NGLY1: variants seen among roughly 807,000 people sequenced by gnomAD.
The protein encoded by NGLY1 is peptide-N(4)-(N-acetyl-beta-glucosaminyl)asparagine amidase.
In NGLY1, 68 loss-of-function variants were observed where a neutral mutation model predicts 84.6. The ratio of observed to expected loss-of-function variants is 0.80; its 90% CI spans 0.66 to 0.98. NGLY1 has a LOEUF of 0.98. Among genes scored for constraint, NGLY1 ranks in the 50% least tolerant of loss-of-function variants. The pLI, the probability that NGLY1 is intolerant of heterozygous loss-of-function variation, is 0.00. For synonymous variants in NGLY1, 280 were observed against 275.2 expected (o/e 1.02, Z -0.17); for missense variants, 779 against 770.2 (o/e 1.01, Z -0.14).
chr3:25,725,819 A>T (rs1022057120), intron 10 of NGLY1, among the ~76,000 whole-genome samples: 4 of 152,078 alleles, frequency 2.6e-5, no homozygotes, highest in African/African-American at 9.7e-5. Context: ...TTTCACTCAG[A>T]TTCAGGGTGT....
At chr3:25,754,177 T>A (rs1173775908) in intron 3 of NGLY1, among the ~76,000 whole-genome samples, 1 of 152,364 alleles carries the variant, frequency 6.6e-6, no homozygotes. Flanking sequence ...TATCCTTTAT[T>A]TGCTAGGTGC....
intron 3 of NGLY1, among the ~76,000 whole-genome samples, chr3:25,754,536 G>A (rs183612501): frequency 5.3e-5 from 8 of 152,254 alleles, no homozygotes; most frequent in Admixed American, 5.2e-4. Flanking sequence ...AAAACGATCT[G>A]ATGTGTTTTC....
intron 2 of NGLY1, among the ~76,000 whole-genome samples, chr3:25,778,071 C>T (rs113115029): frequency 2.7e-4 from 41 of 152,274 alleles, no homozygotes; most frequent in African/African-American, 9.6e-4. Flanking sequence ...AATTAAACTA[C>T]ACCACAAGAT....
chr3:25,763,764 T>C (rs1023269197), intron 3 of NGLY1, among the ~76,000 whole-genome samples: 7 of 152,250 alleles, frequency 4.6e-5, no homozygotes, highest in Non-Finnish European at 1.0e-4. Flanking sequence ...TAATGCATTC[T>C]TAATTACCTT....
At chr3:25,738,225 T>C (rs1189166766) in intron 5 of NGLY1, among the ~76,000 whole-genome samples, 1 of 152,172 alleles carries the variant, frequency 6.6e-6, no homozygotes, top group Non-Finnish European at 1.5e-5. Context: ...ACAAAAATTT[T>C]AGCTTAGTTT....
intron 10 of NGLY1, among the ~76,000 whole-genome samples, chr3:25,728,065 A>C (rs1174776453): frequency 6.6e-6 from 1 of 152,168 alleles, no homozygotes; most frequent in Non-Finnish European, 1.5e-5. Context: ...CTAAAGAAGA[A>C]AATTCCAAAA....
chr3:25,742,048 A>T (rs1001801475), intron 4 of NGLY1, among the ~76,000 whole-genome samples: 1 of 152,188 alleles, frequency 6.6e-6, no homozygotes, highest in African/African-American at 2.4e-5. Flanking sequence ...TAAATCAGTA[A>T]GAACATTAAG....
At chr3:25,741,857 C>T (rs913569677) in intron 4 of NGLY1, among the ~76,000 whole-genome samples, 2 of 151,786 alleles carry the variant, frequency 1.3e-5, no homozygotes, top group African/African-American at 4.8e-5. Context: ...AAAAATTAGC[C>T]GGGCGTGGTG....
At chr3:25,760,286 G>C (rs764688122) in intron 3 of NGLY1, among the ~76,000 whole-genome samples, 13 of 152,138 alleles carry the variant, frequency 8.5e-5, no homozygotes, top group Admixed American at 7.2e-4. Flanking sequence ...ATGTGTGTGT[G>C]TATGTTTCTA....
chr3:25,721,501 C>A (rs1446451490), intron 10 of NGLY1, among the ~76,000 whole-genome samples: 1 of 151,984 alleles, frequency 6.6e-6, no homozygotes, highest in Non-Finnish European at 1.5e-5. Flanking sequence ...CGCCTGTAAT[C>A]CCAGCACTTT....
chr3:25,749,386 T>C, intron 4 of NGLY1: 1 of 686,272 alleles, frequency 1.5e-6, no homozygotes, highest in Non-Finnish European at 2.5e-6. Flanking sequence ...ATGCAAAATG[T>C]GATATATACA....
intron 4 of NGLY1, among the ~76,000 whole-genome samples, chr3:25,740,695 T>A (rs1235831547): frequency 6.6e-6 from 1 of 152,016 alleles, no homozygotes; most frequent in Non-Finnish European, 1.5e-5. Flanking sequence ...AAAAAAAAAC[T>A]ACAGAGAATG....
intron 4 of NGLY1, among the ~76,000 whole-genome samples, chr3:25,744,689 GT>G (rs1465878589): frequency 2.0e-5 from 3 of 152,200 alleles, no homozygotes; most frequent in Non-Finnish European, 2.9e-5. Context: ...TTGCGGCTAA[GT>G]GTGGCTAAAT....
chr3:25,775,439 C>A (rs182763658), intron 2 of NGLY1, among the ~76,000 whole-genome samples: 1 of 152,100 alleles, frequency 6.6e-6, no homozygotes, highest in South Asian at 2.1e-4. Flanking sequence ...CTATACACAA[C>A]GGAATATTAT....
intron 1 of NGLY1, among the ~76,000 whole-genome samples, chr3:25,778,919 T>C (rs13089513): frequency 3.0e-5 from 4 of 135,208 alleles, no homozygotes; most frequent in Admixed American, 8.0e-5. Flanking sequence ...CAGTTTAAGA[T>C]ACATTCTTTT....
rs555626175 is a variant in NGLY1 at position 25,728,563 on chromosome 3, G to A, written c.1611+570C>T. On this transcript the variant is annotated intron_variant, in intron 10 of 11. Transcript: ENST00000280700. Reference sequence around the variant, plus strand: ...TACTGATAGCATGTGACGATAATATGCAACTTGGTATAAATGAACTGCTAT... The same window carrying A: ...TACTGATAGCATGTGACGATAATATACAACTTGGTATAAATGAACTGCTAT... 5.3e-5 allele frequency among the ~76,000 whole-genome samples: 8 copies of A among 152,208 alleles called. No individual in the cohort carries two copies. The South Asian group carries it at 1.7e-3, about 32-fold the overall frequency.
chr3:25,722,023 G>A (rs1476549408), intron 10 of NGLY1, among the ~76,000 whole-genome samples: 5 of 151,738 alleles, frequency 3.3e-5, no homozygotes, highest in Admixed American at 2.6e-4. Context: ...TTCAAGACCA[G>A]CCTAGCCAAC....
At position 25,732,389 on chromosome 3, in the gene NGLY1, G is replaced by T. The variant is rs187892679; in HGVS notation, c.1355C>A (p.Pro452His). ...VEFISPKTPK[P>H]GELGGRISGS... The stretch of plus-strand genomic sequence containing the variant: ...AGATATTCTTCCCCCAAGTTCTCCA[G>T]GTTTAGGGGTTTTGGGAGATATAAA... The change falls in exon 9 of 12, where the codon CCT (proline) becomes CAT (histidine). Residue 452 changes from proline (P) to histidine (H), a missense_variant. By Grantham distance (77) the Pro-to-His change is moderately conservative. Coordinates refer to ENST00000280700, the MANE Select transcript of NGLY1 (RefSeq NM_018297.4). 1 of 1,613,680 alleles carries T rather than the reference G, an allele frequency of 6.2e-7. No individual in the cohort carries two copies. Among genetic ancestry groups the T allele is most frequent in the East Asian group, 2.2e-5 (1 of 44,866 alleles).
At chr3:25,737,267 A>T in intron 6 of NGLY1, 67 bp downstream of exon 6, 1 of 1,362,862 alleles carries the variant, frequency 7.3e-7, no homozygotes, top group Non-Finnish European at 1.0e-6. Context: ...TCATGGGCTC[A>T]GAATGTAAAC....
Sources: allele counts gnomAD v4.1 joint callset (sites outside exome capture counted in the v4.1 genomes callset), GRCh38; gene constraint gnomAD v4.1.1; transcripts MANE v1.5; gene names NCBI Gene and HGNC (gene_info 2026-07-23, HGNC 2026-07-21).